The following PRKCE variants were observed in gnomAD, a reference collection of about 807,000 sequenced individuals.
PRKCE encodes protein kinase C epsilon.
A neutral mutation model predicts 85.4 loss-of-function variants in PRKCE; 16 were observed. The observed-to-expected ratio is 0.19, with a 90% CI of 0.13 to 0.28. The LOEUF (loss-of-function observed/expected upper bound fraction) is 0.28. Among genes scored for constraint, PRKCE ranks in the 10% least tolerant of loss-of-function variants. The probability of loss-of-function intolerance (pLI) is 1.00; values close to 1 mark genes in which losing one functional copy is unlikely to be tolerated. For synonymous variants in PRKCE, 388 were observed against 371.5 expected, an observed-to-expected ratio of 1.04 and a Z score of -0.51; for missense variants, 573 against 975.2, an observed-to-expected ratio of 0.59 and a Z score of 5.49.
chr2:45,814,100 A>G (rs2105285142), intron 1 of PRKCE, among the ~76,000 whole-genome samples: 1 of 152,212 alleles, frequency 6.6e-6, no homozygotes, highest in Non-Finnish European at 1.5e-5. Flanking sequence ...GGATTTGGCT[A>G]GGTGAGTTTC....
intron 1 of PRKCE, among the ~76,000 whole-genome samples, chr2:45,757,374 C>T (rs1684102449): frequency 6.9e-6 from 1 of 144,642 alleles, no homozygotes; most frequent in Non-Finnish European, 1.5e-5. Context: ...ATTAATAAAG[C>T]TATTATAAAG....
chr2:46,073,574 C>G (rs971674577), intron 10 of PRKCE: 3 of 152,094 alleles, frequency 2.0e-5, no homozygotes, highest in African/African-American at 7.2e-5. Flanking sequence ...GTGTAGTGCA[C>G]AGTGTCTGAC....
At position 46,004,180 on chromosome 2, in the gene PRKCE, C is replaced by T. The variant is rs1704963711; in HGVS notation, c.967-362C>T. 1.0e-5 allele frequency: 3 copies of T among 296,254 alleles called. No homozygotes were observed. The allele number at this position is 296,254 out of a possible 1,614,324, so 18.4% of individuals were successfully genotyped here. ...CTGTAAACCTGGACTACTTTTCCAGCTTGCTAACCTTTATGGTGTCCTCGC... is the reference window on the plus strand; with the variant it reads ...CTGTAAACCTGGACTACTTTTCCAGTTTGCTAACCTTTATGGTGTCCTCGC... On this transcript the variant is annotated intron_variant, in intron 7 of 14. Transcript: ENST00000306156. The surrounding 1 kb of genome is among the most constrained non-coding windows in gnomAD (Gnocchi z 4.1).
chr2:45,683,331 AG>A (rs1451421617), intron 1 of PRKCE, among the ~76,000 whole-genome samples: 1 of 152,226 alleles, frequency 6.6e-6, no homozygotes, highest in Non-Finnish European at 1.5e-5. Flanking sequence ...TTTCCCCTCA[AG>A]CAGTCAGCCA....
chr2:45,883,675 A>G (rs1057009350), intron 2 of PRKCE, among the ~76,000 whole-genome samples: 3 of 152,170 alleles, frequency 2.0e-5, no homozygotes, highest in African/African-American at 7.2e-5. Flanking sequence ...CTACCATGCC[A>G]TGCTACACTC....
intron 2 of PRKCE, among the ~76,000 whole-genome samples, chr2:45,896,334 C>T (rs926036182): frequency 3.3e-5 from 5 of 152,140 alleles, no homozygotes; most frequent in Non-Finnish European, 2.9e-5. Context: ...GCAGACCATA[C>T]CTGCTTGTGC....
At chr2:45,794,847 C>G in intron 1 of PRKCE, among the ~76,000 whole-genome samples, 1 of 72,066 alleles carries the variant, frequency 1.4e-5, no homozygotes, top group Non-Finnish European at 2.8e-5. Flanking sequence ...ATTGCCCTAC[C>G]CCCCCCCCCA....
intron 1 of PRKCE, among the ~76,000 whole-genome samples, chr2:45,718,544 A>G (rs897844437): frequency 6.6e-6 from 1 of 151,938 alleles, no homozygotes; most frequent in South Asian, 2.1e-4. Context: ...GAGTCTCACC[A>G]TGTTGGCCAG....
rs763288525 is a variant in PRKCE at position 45,697,708 on chromosome 2, G to A, written c.348+45260G>A. On this transcript the variant is annotated intron_variant, in intron 1 of 14. Coordinates refer to ENST00000306156, the MANE Select transcript of PRKCE (RefSeq NM_005400.3). The surrounding 1 kb of genome is among the most constrained non-coding windows in gnomAD (Gnocchi z 4.2). ...CTCTGTTCCCAGGAGCTTTCTGGAA[G>A]TTACTTCCTGTTTCACAGCCCCTCT... Among the ~76,000 whole-genome samples the A allele has an allele frequency of 9.2e-5, 14 of 152,152 alleles. No individual in the cohort carries two copies. The highest frequency in any genetic ancestry group is 2.1e-4 in the Non-Finnish European group (14 of 68,036).
chr2:45,876,372 C>A (rs973987153), intron 2 of PRKCE, among the ~76,000 whole-genome samples: 14 of 152,216 alleles, frequency 9.2e-5, no homozygotes, highest in African/African-American at 3.4e-4. Flanking sequence ...ATTTCATACT[C>A]CAGCCACATC....
intron 2 of PRKCE, among the ~76,000 whole-genome samples, chr2:45,865,068 T>C (rs6733184): frequency 0.4 from 61,198 of 152,122 alleles, 12,930 homozygotes; most frequent in East Asian, 0.77. Context: ...TCAAACTTTA[T>C]TGTCCATATA....
At chr2:45,989,818 T>C (rs1162610298) in intron 6 of PRKCE, among the ~76,000 whole-genome samples, 1 of 152,198 alleles carries the variant, frequency 6.6e-6, no homozygotes, top group Non-Finnish European at 1.5e-5. Flanking sequence ...AATACATAAA[T>C]ACATTCTCAC....
chr2:46,075,917 C>G (rs754491926), intron 10 of PRKCE, among the ~76,000 whole-genome samples: 1 of 152,196 alleles, frequency 6.6e-6, no homozygotes, highest in African/African-American at 2.4e-5. Flanking sequence ...TTTCTGAAGT[C>G]CAGGTGAACA....
At chr2:45,837,446 G>A (rs1198391764) in intron 1 of PRKCE, among the ~76,000 whole-genome samples, 3 of 152,206 alleles carry the variant, frequency 2.0e-5, no homozygotes, top group Non-Finnish European at 4.4e-5. Context: ...TAGTAGAGAC[G>A]GAGTTTCACC....
chr2:46,003,296 C>T (rs1390058728), intron 7 of PRKCE, among the ~76,000 whole-genome samples: 1 of 152,186 alleles, frequency 6.6e-6, no homozygotes, highest in African/African-American at 2.4e-5. Flanking sequence ...GTGTGCACAG[C>T]AGGTAGACCA....
Position 45,991,993 on chromosome 2 carries a change from TGCAAG to T in PRKCE, c.823+7316_823+7320del, listed in dbSNP as rs555302164. ...CTGAAAAGCATGTTGTCCTGATTTG[TGCAAG>T]GCGTCGTGGTGAACCTGGAGATAAA... is the stretch of plus-strand genomic sequence containing the variant. On this transcript the variant is annotated intron_variant, in intron 6 of 14. Transcript: ENST00000306156. Among the ~76,000 whole-genome samples the T allele has an allele frequency of 5.0e-3, 758 of 152,328 alleles. 6 individuals are homozygous for T. Among genetic ancestry groups the T allele is most frequent in the African/African-American group, 0.017 (692 of 41,566 alleles).
chr2:45,735,385 A>G (rs1396471947), intron 1 of PRKCE, among the ~76,000 whole-genome samples: 2 of 152,368 alleles, frequency 1.3e-5, no homozygotes, highest in Admixed American at 1.3e-4. Flanking sequence ...GCTGTAAGAC[A>G]GCTTGTAGTA....
intron 1 of PRKCE, among the ~76,000 whole-genome samples, chr2:45,657,426 T>G (rs479476): frequency 0.76 from 115,764 of 151,980 alleles, 44,092 homozygotes; most frequent in Middle Eastern, 0.85. Flanking sequence ...GAAATGGGTT[T>G]ACTGTGGGGA....
intron 1 of PRKCE, among the ~76,000 whole-genome samples, chr2:45,674,128 A>G (rs982255767): frequency 6.6e-6 from 1 of 152,168 alleles, no homozygotes; most frequent in Non-Finnish European, 1.5e-5. Context: ...AAGCGTGATC[A>G]TTGGGGTTGA....
Sources: gnomAD v4.1 joint callset for allele counts (sites outside exome capture counted in the v4.1 genomes callset) on GRCh38, gnomAD v4.1.1 for gene constraint, Gnocchi (gnomAD v3.1) non-coding constraint, MANE v1.5 for transcripts, NCBI Gene and HGNC (gene_info 2026-07-23, HGNC 2026-07-21) for gene names.